The following CUL3 variants were observed in gnomAD, a reference collection of about 807,000 sequenced individuals.
CUL3 encodes cullin 3.
A neutral mutation model predicts 89.1 loss-of-function variants in CUL3; 19 were observed. That is an observed-to-expected ratio of 0.21 (90% CI 0.15 to 0.31). The LOEUF is 0.31. CUL3 is among the 10% of genes least tolerant of loss of function. CUL3 has a pLI of 1.00. For synonymous variants in CUL3, 351 were observed against 308.4 expected, an observed-to-expected ratio of 1.14 and a Z score of -1.45; for missense variants, 469 against 942.3, an observed-to-expected ratio of 0.50 and a Z score of 6.58.
At chr2:224,542,477 GC>G (rs1188377610) in intron 2 of CUL3, among the ~76,000 whole-genome samples, 1 of 149,696 alleles carries the variant, frequency 6.7e-6, no homozygotes, top group Non-Finnish European at 1.5e-5. Flanking sequence ...AGCAGCACGC[GC>G]CAGCACTTCT....
chr2:224,506,651 G>A (rs1692613912), intron 7 of CUL3, among the ~76,000 whole-genome samples: 1 of 152,144 alleles, frequency 6.6e-6, no homozygotes, highest in Admixed American at 6.5e-5. Flanking sequence ...GAAGTTAAAT[G>A]AAAAGTAGCA....
chr2:224,481,500 G>A (rs1258703870), intron 14 of CUL3, among the ~76,000 whole-genome samples: 1 of 151,936 alleles, frequency 6.6e-6, no homozygotes, highest in Non-Finnish European at 1.5e-5. Flanking sequence ...AATATAAATA[G>A]CAACATCCAA....
Position 224,585,088 on chromosome 2 carries a change from C to T in CUL3, c.-79G>A. The T allele has an allele frequency of 8.3e-7, 1 of 1,203,506 alleles. No individual in the cohort carries two copies. Among genetic ancestry groups the T allele is most frequent in the South Asian group, 1.5e-5 (1 of 67,348 alleles). 74.6% of individuals were successfully genotyped at this position (1,203,506 alleles called of 1,614,324 possible). A position where few individuals can be genotyped will look rare whatever the true frequency, so the allele number is the denominator to read the frequency against. Reference sequence around the variant, plus strand: ...GTCACATTTAAGGCGGGCAGGCAGGCTAGGGGCGACGCTGGGGGCGGCGGC... The same window carrying T: ...GTCACATTTAAGGCGGGCAGGCAGGTTAGGGGCGACGCTGGGGGCGGCGGC... On this transcript the variant is annotated 5_prime_UTR_variant, in exon 1 of 16. Transcript: ENST00000264414.
intron 2 of CUL3, among the ~76,000 whole-genome samples, chr2:224,540,536 C>T (rs6739735): frequency 0.75 from 114,653 of 152,112 alleles, 43,842 homozygotes; most frequent in African/African-American, 0.9. Flanking sequence ...ACCCAGGTGA[C>T]TCTGATATAA....
intron 3 of CUL3, among the ~76,000 whole-genome samples, chr2:224,524,332 G>C (rs1693385014): frequency 6.6e-6 from 1 of 152,070 alleles, no homozygotes; most frequent in Non-Finnish European, 1.5e-5. Context: ...TTCTGAAGAG[G>C]AGAGAAACAC....
chr2:224,561,001 T>C (rs1219370383), intron 1 of CUL3, among the ~76,000 whole-genome samples: 1 of 152,234 alleles, frequency 6.6e-6, no homozygotes, highest in Non-Finnish European at 1.5e-5. Flanking sequence ...TCCCTCAGTT[T>C]CCTGCATGGC....
intron 13 of CUL3, among the ~76,000 whole-genome samples, chr2:224,490,940 A>C (rs2106169416): frequency 6.6e-6 from 1 of 152,280 alleles, no homozygotes; most frequent in East Asian, 1.9e-4. Flanking sequence ...TGCTTGTATC[A>C]AGATATCTCA....
chr2:224,519,459 A>G (rs924435745), intron 3 of CUL3, among the ~76,000 whole-genome samples: 2 of 152,208 alleles, frequency 1.3e-5, no homozygotes, highest in Non-Finnish European at 2.9e-5. Context: ...GTGGTGTAAG[A>G]GCTAAGCCTT....
At chr2:224,522,052 T>TA (rs1460668460) in intron 3 of CUL3, among the ~76,000 whole-genome samples, 5 of 148,584 alleles carry the variant, frequency 3.4e-5, no homozygotes, top group Admixed American at 2.7e-4. Flanking sequence ...CCTGAAAAGT[T>TA]AAACTCACAT....
chr2:224,577,569 CAAAAA>C (rs34800843), intron 1 of CUL3, among the ~76,000 whole-genome samples: 2 of 133,322 alleles, frequency 1.5e-5, no homozygotes, highest in East Asian at 2.1e-4. Flanking sequence ...GACTCTGTCT[CAAAAA>C]AAAAAAAAAA....
rs1692487093 is a variant in CUL3, at chr2:224,503,767, A to C, written c.1262T>G (p.Phe421Cys). 1 of 1,606,026 alleles carries C rather than the reference A, an allele frequency of 6.2e-7. No homozygotes were observed. The highest frequency in any genetic ancestry group is 1.3e-5 in the African/African-American group (1 of 74,606). ...ILDKAMVLFR[F>C]MQEKDVFERY... ...TTCAAATACATCTTTTTCTTGCATA[A>C]ACCTAAAAAGGACCATTGCTTTATC... The change falls in exon 9 of 16, where the codon TTT becomes TGT. Residue 421 changes from phenylalanine (F) to cysteine (C), a missense_variant. Physicochemically the swap from Phe to Cys is radical, Grantham distance 205 (BLOSUM62 -2). Coordinates refer to ENST00000264414, the MANE Select transcript of CUL3 (RefSeq NM_003590.5).
At chr2:224,523,398 A>C (rs543401213) in intron 3 of CUL3, among the ~76,000 whole-genome samples, 26 of 151,858 alleles carry the variant, frequency 1.7e-4, no homozygotes, top group Admixed American at 7.9e-4. Flanking sequence ...AAAAAAAAAA[A>C]ACACAAAACA....
chr2:224,478,731 T>G (rs1035811561), intron 14 of CUL3: 3 of 168,054 alleles, frequency 1.8e-5, no homozygotes, highest in Non-Finnish European at 2.6e-5. Flanking sequence ...TCACCAAAAT[T>G]ATCTCAGATA....
chr2:224,534,736 A>C (rs1217983892), intron 3 of CUL3, among the ~76,000 whole-genome samples: 1 of 152,134 alleles, frequency 6.6e-6, no homozygotes, highest in African/African-American at 2.4e-5. Flanking sequence ...TAATCCCAGC[A>C]CTTTGGGAGG....
In CUL3 at chr2:224,555,171, TAAGGTATCTTCC is replaced by T. The variant is rs535695325; in HGVS notation, c.264+2476_264+2487del. On this transcript the variant is annotated intron_variant, in intron 2 of 15. Transcript: ENST00000264414. The stretch of plus-strand genomic sequence containing the variant: ...TTTTCCTCACATGCAAAATGATTTC[TAAGGTATCTTCC>T]AAGGATAAACATTTTCAATATAATC... Among the ~76,000 whole-genome samples the T allele has an allele frequency of 6.3e-3, 961 of 152,330 alleles. 5 individuals carry two copies. The highest frequency in any genetic ancestry group is 0.025 in the South Asian group (122 of 4,828).
At position 224,506,863 on chromosome 2, in the gene CUL3, T is replaced by C. The variant is rs1692622223; in HGVS notation, c.1024A>G (p.Ile342Val). The part of the protein sequence containing the change: ...EGEGKNPVDY[I>V]QGLLDLKSRF... ...AATCTTCTGGGTTTACTTACCTGGA[T>C]ATAGTCAACAGGATTCTTTCCTTCT... The change falls in exon 7 of 16, where the codon ATC becomes GTC. Residue 342 changes from isoleucine to valine, a missense_variant. Ile to Val is a conservative substitution (Grantham distance 29). This residue lies in a region of CUL3 where 370 missense variants were observed against 733.2 expected (regional missense o/e 0.50). Coordinates refer to ENST00000264414, the MANE Select transcript of CUL3 (RefSeq NM_003590.5). 6.2e-7 allele frequency: 1 copy of C among 1,612,918 alleles called. No individual in the cohort carries two copies. Among genetic ancestry groups the C allele is most frequent in the Non-Finnish European group, 8.5e-7 (1 of 1,179,538 alleles).
intron 14 of CUL3, 87 bp downstream of exon 14, chr2:224,481,805 T>G: frequency 1.1e-6 from 1 of 952,072 alleles, no homozygotes. Flanking sequence ...AAAAGGAGTA[T>G]TTTTAAAAGA....
rs1254566133 is a variant in CUL3 at position 224,526,776 on chromosome 2, T to C, written c.378+8752A>G. ...GTTCACAAGGCACAGCGATCAAGTT[T>C]ATCATTCTCCAACCTGGGCGACAGA... On this transcript the variant is annotated intron_variant, in intron 3 of 15. Coordinates refer to ENST00000264414, the MANE Select transcript of CUL3 (RefSeq NM_003590.5). 4.1e-5 allele frequency among the ~76,000 whole-genome samples: 6 copies of C among 147,020 alleles called. No homozygotes were observed. In the East Asian group the frequency reaches 1.0e-3, roughly 25 times the overall value.
intron 6 of CUL3, 69 bp from the exon 7 acceptor site, chr2:224,507,072 C>G (rs995125245): frequency 7.1e-7 from 1 of 1,417,606 alleles, no homozygotes; most frequent in South Asian, 1.4e-5. Flanking sequence ...TCTGTTCACG[C>G]TATAATACTG....
Sources: gnomAD v4.1 joint callset for allele counts (sites outside exome capture counted in the v4.1 genomes callset) on GRCh38, gnomAD v4.1.1 for gene constraint, gnomAD v4.1.1 regional missense constraint, MANE v1.5 for transcripts, NCBI Gene and HGNC (gene_info 2026-07-23, HGNC 2026-07-21) for gene names.